The following AHCTF1 variants were observed in gnomAD, a reference collection of about 807,000 sequenced individuals.
AHCTF1 encodes protein ELYS.
AHCTF1 carries 24 observed loss-of-function variants against 248.4 expected under a neutral mutation model. That is an observed-to-expected ratio of 0.10 (90% CI 0.07 to 0.14). AHCTF1 has a LOEUF of 0.14. Ranked by LOEUF, AHCTF1 falls within the 10% of genes least tolerant of loss-of-function variation. The pLI, the probability that AHCTF1 is intolerant of heterozygous loss-of-function variation, is 1.00. For missense variants in AHCTF1, 2,206 were observed against 2,636.2 expected (o/e 0.84, Z 3.57); for synonymous variants, 786 against 929.8 (o/e 0.85, Z 2.81).
chr1:246,867,952 TTATA>T (rs1243030636), intron 24 of AHCTF1, 141 bp from the exon 25 acceptor site: 1 of 281,160 alleles, frequency 3.6e-6, no homozygotes, highest in Non-Finnish European at 5.9e-6. Flanking sequence ...AAAATTTTAA[TTATA>T]TATATATAAT....
At chr1:246,841,537 A>G (rs1338141665) in intron 35 of AHCTF1, among the ~76,000 whole-genome samples, 1 of 152,260 alleles carries the variant, frequency 6.6e-6, no homozygotes, top group East Asian at 1.9e-4. Context: ...TACTAAGCAC[A>G]GCATAAACAA....
At chr1:246,844,888 C>T (rs1660138376) in intron 33 of AHCTF1, among the ~76,000 whole-genome samples, 1 of 151,186 alleles carries the variant, frequency 6.6e-6, no homozygotes, top group African/African-American at 2.4e-5. Flanking sequence ...TTCAGTTTAA[C>T]CAGTCTGCCG....
intron 20 of AHCTF1, 139 bp from the exon 21 acceptor site, chr1:246,885,819 T>C: frequency 1.3e-6 from 1 of 787,154 alleles, no homozygotes; most frequent in Non-Finnish European, 2.0e-6. Context: ...CTTTAATCTG[T>C]GCTATATAGA....
At chr1:246,913,199 T>G (rs2103214439) in intron 4 of AHCTF1, 33 bp downstream of exon 4, 1 of 1,500,606 alleles carries the variant, frequency 6.7e-7, no homozygotes, top group East Asian at 2.4e-5. Flanking sequence ...ATCCAGGTGC[T>G]CCATTTTTGG....
intron 33 of AHCTF1, among the ~76,000 whole-genome samples, chr1:246,845,108 C>T (rs1166753449): frequency 6.6e-6 from 1 of 152,186 alleles, no homozygotes; most frequent in Non-Finnish European, 1.5e-5. Context: ...CATTTACAAA[C>T]CCTTGAAATA....
intron 21 of AHCTF1, among the ~76,000 whole-genome samples, chr1:246,884,379 C>A (rs1229328855): frequency 6.6e-6 from 1 of 152,140 alleles, no homozygotes; most frequent in Non-Finnish European, 1.5e-5. Flanking sequence ...CGTAGAAGTA[C>A]ATGCTATTTA....
Position 246,850,630 on chromosome 1 carries a change from ATCAGAATAGATGTTT to A in AHCTF1, c.5361_5375del (p.Glu1787_Ser1791del), listed in dbSNP as rs1572360907. 9 of 1,613,840 alleles carry A rather than the reference ATCAGAATAGATGTTT, an allele frequency of 5.6e-6. No individual in the cohort carries two copies. Among genetic ancestry groups the A allele is most frequent in the Non-Finnish European group, 7.6e-6 (9 of 1,179,832 alleles). On this transcript the variant is annotated inframe_deletion, in exon 33 of 36. Transcript: ENST00000648844. ...GCTGGTTCTGAGATAGTCCTCTGAC[ATCAGAATAGATGTTT>A]TCAGAAGCTTCAGAAATTTCTTTTG...
At chr1:246,896,673 A>C (rs576090521) in intron 12 of AHCTF1, among the ~76,000 whole-genome samples, 16 of 152,350 alleles carry the variant, frequency 1.1e-4, no homozygotes, top group African/African-American at 3.8e-4. Context: ...TCTGTGAATT[A>C]AAATCACTGA....
chr1:246,859,876 A>T (rs1661399646), intron 29 of AHCTF1, among the ~76,000 whole-genome samples: 2 of 152,176 alleles, frequency 1.3e-5, no homozygotes, highest in East Asian at 1.9e-4. Context: ...TTCATTGTCC[A>T]GTGATTATTT....
At chr1:246,882,981 T>C (rs566670176) in intron 21 of AHCTF1, among the ~76,000 whole-genome samples, 63 of 152,362 alleles carry the variant, frequency 4.1e-4, no homozygotes, top group Middle Eastern at 3.4e-3. Flanking sequence ...CCAAATCTAT[T>C]TGAGTCCAAA....
chr1:246,894,109 C>G (rs1404037187), intron 14 of AHCTF1, among the ~76,000 whole-genome samples: 2 of 151,982 alleles, frequency 1.3e-5, no homozygotes, highest in East Asian at 3.9e-4. Context: ...GAGGCTGAGG[C>G]AGGAGGATGA....
chr1:246,903,930 T>A lies in AHCTF1; in HGVS notation c.966+19A>T. On this transcript the variant is annotated intron_variant, in intron 7 of 35. Coordinates refer to ENST00000648844, the MANE Select transcript of AHCTF1 (RefSeq NM_001323342.2). ...ACAACAAAATGGTAATATAAACCCA[T>A]AGTCCAATGACCATTTACCTCATAT... 19 of 1,570,968 alleles carry A rather than the reference T, an allele frequency of 1.2e-5. No individual in the cohort carries two copies. The highest frequency in any genetic ancestry group is 1.7e-5 in the Non-Finnish European group (19 of 1,141,566).
At chr1:246,879,607 C>T (rs1350027020) in intron 21 of AHCTF1, among the ~76,000 whole-genome samples, 1 of 151,944 alleles carries the variant, frequency 6.6e-6, no homozygotes, top group Admixed American at 6.6e-5. Context: ...GTGGATCAAT[C>T]ATCTGAGGTC....
intron 1 of AHCTF1, among the ~76,000 whole-genome samples, chr1:246,926,886 G>C (rs939843133): frequency 6.6e-6 from 1 of 150,716 alleles, no homozygotes; most frequent in Admixed American, 6.6e-5. Context: ...ACAAACAAAA[G>C]TGTATGGCCG....
Position 246,861,169 on chromosome 1 carries a change from G to A in AHCTF1, c.3862C>T (p.His1288Tyr), listed in dbSNP as rs1461673164. Residue 1288 changes from histidine (H) to tyrosine (Y), a missense_variant, in exon 29 of 36, where the codon CAT becomes TAT. His to Tyr is a moderately conservative substitution (Grantham distance 83). Around this residue, in one of 6 missense-constraint regions of AHCTF1, gnomAD observed 955 missense variants for 1,055.6 expected, o/e 0.90. Coordinates refer to ENST00000648844, the MANE Select transcript of AHCTF1 (RefSeq NM_001323342.2). ...TGTGACCCCTCATCCATTTCTTGAT[G>A]CTCCTTTTCAGGGCTGTTCAGGAAA... ...SFFLNSPEKE[H>Y]QEMDEGSQSL... 1 of 1,613,596 alleles carries A rather than the reference G, an allele frequency of 6.2e-7. No individual in the cohort carries two copies. Among genetic ancestry groups the A allele is most frequent in the African/African-American group, 1.3e-5 (1 of 74,890 alleles).
At chr1:246,842,913 A>G in intron 34 of AHCTF1, 137 bp from the exon 35 acceptor site, 2 of 685,218 alleles carry the variant, frequency 2.9e-6, no homozygotes, top group South Asian at 3.6e-5. Context: ...TCCTTTTCTC[A>G]TACCTTTTAG....
In AHCTF1 at chr1:246,850,200, T is replaced by C. The variant is rs749046482; in HGVS notation, c.5806A>G (p.Arg1936Gly). ...SDKQLRIKHVRRVRGREVSPS... is the reference protein window; with the variant it reads ...SDKQLRIKHVGRVRGREVSPS... ...CTAACTTCTCTCCCTCTGACCCTTC[T>C]AACATGTTTAATACGCAGCTGCTTG... is the stretch of plus-strand genomic sequence containing the variant. The change falls in exon 33 of 36, where the codon AGA becomes GGA. Residue 1936 changes from arginine (R) to glycine (G), a missense_variant. This residue lies in a region of AHCTF1 where 469 missense variants were observed against 470.0 expected (regional missense o/e 1.00). Transcript: ENST00000648844. The C allele has an allele frequency of 1.5e-5, 24 of 1,613,972 alleles. No homozygotes were observed. Among genetic ancestry groups the C allele is most frequent in the East Asian group, 1.3e-4 (6 of 44,874 alleles).
rs1289857939 is a variant in AHCTF1 at position 246,899,527 on chromosome 1, T to A, written c.1433-15A>T. On this transcript the variant is annotated splice_polypyrimidine_tract_variant and intron_variant, in intron 10 of 35. Transcript: ENST00000648844. Reference sequence around the variant, plus strand: ...ACAAGTGGCATCTAAAAAAAAGATTTAAAAAATAATCCACTTACATATATT... The same window carrying A: ...ACAAGTGGCATCTAAAAAAAAGATTAAAAAAATAATCCACTTACATATATT... The A allele has an allele frequency of 5.6e-6, 9 of 1,597,818 alleles. No homozygotes were observed. Among genetic ancestry groups the A allele is most frequent in the African/African-American group, 1.3e-5 (1 of 74,234 alleles).
intron 14 of AHCTF1, among the ~76,000 whole-genome samples, chr1:246,894,368 C>T (rs1336274827): frequency 6.6e-6 from 1 of 152,012 alleles, no homozygotes; most frequent in Non-Finnish European, 1.5e-5. Context: ...GTCAGGAGAT[C>T]GAGACCATCC....
Sources: gnomAD v4.1 joint callset for allele counts (sites outside exome capture counted in the v4.1 genomes callset) on GRCh38, gnomAD v4.1.1 for gene constraint, gnomAD v4.1.1 regional missense constraint, MANE v1.5 for transcripts, NCBI Gene and HGNC (gene_info 2026-07-23, HGNC 2026-07-21) for gene names.